LARP1B: variants seen among roughly 807,000 people sequenced by gnomAD.
The protein encoded by LARP1B is la-related protein 1B.
In LARP1B, 76 loss-of-function variants were observed where a neutral mutation model predicts 114.2. The observed-to-expected ratio is 0.67, with a 90% CI of 0.55 to 0.81. LARP1B has a LOEUF of 0.81. Ranked by LOEUF, LARP1B falls within the 30% of genes least tolerant of loss-of-function variation. LARP1B has a pLI of 0.00. For missense variants in LARP1B, 1,014 were observed against 1,075.8 expected, an observed-to-expected ratio of 0.94 and a Z score of 0.80; for synonymous variants, 345 against 348.0, an observed-to-expected ratio of 0.99 and a Z score of 0.10.
chr4:128,151,347 GTTTATA>G (rs1244105349), intron 11 of LARP1B, among the ~76,000 whole-genome samples: 1 of 152,116 alleles, frequency 6.6e-6, no homozygotes, highest in Non-Finnish European at 1.5e-5. Context: ...TGAATATGCA[GTTTATA>G]TTTACATTTC....
chr4:128,062,210 C>T (rs1248561507), intron 1 of LARP1B: 8 of 985,336 alleles, frequency 8.1e-6, no homozygotes, highest in Non-Finnish European at 8.4e-6. Context: ...GCTGGAAACC[C>T]TGGAGGCAGG....
intron 14 of LARP1B, 73 bp from the exon 15 acceptor site, chr4:128,179,333 C>A: frequency 1.1e-6 from 1 of 878,566 alleles, no homozygotes; most frequent in Non-Finnish European, 1.7e-6. Flanking sequence ...CATTTATAGT[C>A]AGAGGGTTTT....
At chr4:128,213,862 G>A (rs532704602), downstream of LARP1B, among the ~76,000 whole-genome samples, 8 of 151,410 alleles carry the variant, frequency 5.3e-5, no homozygotes, top group African/African-American at 9.7e-5. Context: ...CGCAGAAGAC[G>A]GGTGATTTCT....
intron 1 of LARP1B, among the ~76,000 whole-genome samples, chr4:128,067,656 G>T (rs1211876355): frequency 6.6e-6 from 1 of 151,926 alleles, no homozygotes; most frequent in Non-Finnish European, 1.5e-5. Context: ...GAGACCAGAA[G>T]GAACTTCTCC....
Position 128,176,192 on chromosome 4 carries a change from ATT to A in LARP1B, c.1649-676_1649-675del, listed in dbSNP as rs1226788534. On this transcript the variant is annotated intron_variant, in intron 12 of 19. Transcript: ENST00000326639. ...ATATTATATATAAATATATAAATAT[ATT>A]TTTATATATTATATATTTATATATA... 5.6e-5 allele frequency among the ~76,000 whole-genome samples: 8 copies of A among 143,032 alleles called. No individual in the cohort carries two copies. In the East Asian group the frequency reaches 8.0e-4, roughly 14 times the overall value. 93.8% of individuals were successfully genotyped at this position (143,032 alleles called of 152,430 possible). A position where few individuals can be genotyped will look rare whatever the true frequency, so the allele number is the denominator to read the frequency against.
chr4:128,098,800 CAG>C (rs1779217207), intron 8 of LARP1B, among the ~76,000 whole-genome samples: 1 of 68,792 alleles, frequency 1.5e-5, no homozygotes, highest in African/African-American at 5.9e-5. Context: ...TTTTTTAAGA[CAG>C]TGTCTCACTC....
At chr4:128,119,965 T>A (rs1787340214) in intron 10 of LARP1B, among the ~76,000 whole-genome samples, 1 of 152,230 alleles carries the variant, frequency 6.6e-6, no homozygotes, top group Non-Finnish European at 1.5e-5. Context: ...TTGTTTATTC[T>A]CTTAGACTTT....
At chr4:128,065,327 CTCTCTT>C (rs1579639757) in intron 1 of LARP1B, among the ~76,000 whole-genome samples, 3 of 113,264 alleles carry the variant, frequency 2.6e-5, no homozygotes, top group East Asian at 2.3e-4. Flanking sequence ...CTCTCTCTCT[CTCTCTT>C]TCCTTTCTTT....
At chr4:128,071,145 C>A (rs1014972153) in intron 1 of LARP1B, among the ~76,000 whole-genome samples, 2 of 151,830 alleles carry the variant, frequency 1.3e-5, no homozygotes, top group South Asian at 4.1e-4. Flanking sequence ...CTCCTGGGTT[C>A]ATGCCATTCT....
At chr4:128,071,869 G>A (rs1765507723) in intron 1 of LARP1B, among the ~76,000 whole-genome samples, 1 of 152,104 alleles carries the variant, frequency 6.6e-6, no homozygotes, top group Non-Finnish European at 1.5e-5. Context: ...AGTGAAATAG[G>A]CTCTGCTGTG....
chr4:128,066,400 G>A (rs1193309581), intron 1 of LARP1B, among the ~76,000 whole-genome samples: 1 of 150,980 alleles, frequency 6.6e-6, no homozygotes. Context: ...GGATGGTCTC[G>A]ATCTGCTGAC....
At chr4:128,093,813 C>T (rs901932382) in intron 7 of LARP1B, among the ~76,000 whole-genome samples, 4 of 148,602 alleles carry the variant, frequency 2.7e-5, no homozygotes, top group African/African-American at 9.9e-5. Context: ...CAGGTTCAAG[C>T]AATTCTCCTG....
rs1352478787 is a variant in LARP1B at position 128,200,585 on chromosome 4, T to G, written c.2229T>G (p.Phe743Leu). Residue 743 changes from phenylalanine to leucine, a missense_variant, in exon 17 of 20, where the codon TTT becomes TTG. Coordinates refer to ENST00000326639, the MANE Select transcript of LARP1B (RefSeq NM_018078.4). ...EMNTLFRFWSFFLRDHFNKKM... is the reference protein window; with the variant it reads ...EMNTLFRFWSLFLRDHFNKKM... ...ATACCCTCTTTCGTTTCTGGTCCTT[T>G]TTCCTCAGAGATCACTTCAATAAAA... is the stretch of plus-strand genomic sequence containing the variant. 6.3e-7 allele frequency: 1 copy of G among 1,596,930 alleles called. No individual in the cohort carries two copies. Among genetic ancestry groups the G allele is most frequent in the Admixed American group, 1.7e-5 (1 of 58,290 alleles).
chr4:128,199,467 G>GCAC lies in LARP1B; in HGVS notation c.2036_2038dup (p.Pro679dup), dbSNP rs1561555574. The GCAC allele has an allele frequency of 3.2e-6, 5 of 1,562,638 alleles. No homozygotes were observed. Among genetic ancestry groups the GCAC allele is most frequent in the Non-Finnish European group, 4.3e-6 (5 of 1,152,542 alleles). On this transcript the variant is annotated inframe_insertion, in exon 16 of 20. Transcript: ENST00000326639. ...TTCAAATGCTTCACCTTCAGAAGGC[G>GCAC]CACCACTAGCAGGAAGTTATGGATG...
intron 9 of LARP1B, chr4:128,107,666 A>G (rs1782578757): frequency 7.0e-7 from 1 of 1,430,524 alleles, no homozygotes; most frequent in African/African-American, 1.4e-5. Flanking sequence ...AAGGTCTTAT[A>G]CTCAAGAGTG....
At chr4:128,198,188 A>G (rs758766258) in intron 15 of LARP1B, among the ~76,000 whole-genome samples, 37 of 152,014 alleles carry the variant, frequency 2.4e-4, no homozygotes, top group Non-Finnish European at 3.8e-4. Flanking sequence ...ACCCAGCCCC[A>G]TTGTAGTTTA....
chr4:128,179,210 C>CCTA, intron 14 of LARP1B, 196 bp from the exon 15 acceptor site: 1 of 409,058 alleles, frequency 2.4e-6, no homozygotes, highest in Non-Finnish European at 4.3e-6. Flanking sequence ...GTGTCACAAA[C>CCTA]CTACCAAAGG....
intron 6 of LARP1B, among the ~76,000 whole-genome samples, chr4:128,217,862 T>C (rs566798381): frequency 4.7e-5 from 7 of 150,030 alleles, no homozygotes; most frequent in Admixed American, 1.3e-4. Flanking sequence ...TTACCCCTGT[T>C]TGCAGACGAC....
At chr4:128,089,071 A>G (rs528532959) in intron 5 of LARP1B, among the ~76,000 whole-genome samples, 63 of 152,114 alleles carry the variant, frequency 4.1e-4, no homozygotes, top group South Asian at 1.9e-3. Context: ...TTCCCCAAAG[A>G]GTCATTTGGC....
Sources: allele counts gnomAD v4.1 joint callset (sites outside exome capture counted in the v4.1 genomes callset), GRCh38; gene constraint gnomAD v4.1.1; transcripts MANE v1.5; gene names NCBI Gene and HGNC (gene_info 2026-07-23, HGNC 2026-07-21).